Variants in RCCD1 observed in about 807,000 individuals in gnomAD.
RCCD1 encodes the protein RCC1 domain containing 1.
RCCD1 carries 40 observed loss-of-function variants against 37.6 expected under a neutral mutation model. That is an observed-to-expected ratio of 1.06 (90% CI 0.83 to 1.39). The LOEUF is 1.39. Ranked by LOEUF, RCCD1 falls within the 40% of genes most tolerant of loss-of-function variation. The pLI is 0.00. For missense variants in RCCD1, 577 were observed against 517.3 expected, an observed-to-expected ratio of 1.12 and a Z score of -1.12; for synonymous variants, 263 against 230.0, an observed-to-expected ratio of 1.14 and a Z score of -1.30.
chr15:90,958,386 T>C (rs965677987), intron 4 of RCCD1, among the ~76,000 whole-genome samples: 3 of 152,036 alleles, frequency 2.0e-5, no homozygotes, highest in Non-Finnish European at 2.9e-5. Context: ...CCCAGCACTT[T>C]GGGAGGCCGA....
chr15:90,961,246 G>A (rs1446473743), intron 7 of RCCD1, 192 bp downstream of exon 7: 2 of 613,580 alleles, frequency 3.3e-6, no homozygotes, highest in African/African-American at 3.7e-5. Context: ...AGACAGGGGA[G>A]ACATGGAGAG....
Position 90,956,786 on chromosome 15 carries a change from G to T in RCCD1, c.52G>T (p.Gly18Trp). The T allele has an allele frequency of 7.5e-7, 1 of 1,330,320 alleles. No homozygotes were observed. The highest frequency in any genetic ancestry group is 9.6e-7 in the Non-Finnish European group (1 of 1,039,806). 82.4% of individuals were successfully genotyped at this position (1,330,320 alleles called of 1,614,324 possible). The change falls in exon 2 of 8, where the codon GGG (glycine) becomes TGG (tryptophan). Residue 18 changes from glycine (G) to tryptophan (W), a missense_variant. By Grantham distance (184) the Gly-to-Trp change is radical. Coordinates refer to ENST00000394258, the MANE Select transcript of RCCD1 (RefSeq NM_001017919.2). ...AWFGFGFCGF[G>W]QELGSGRGRQ... ...GTTCGGCTTCGGTTTCTGCGGCTTC[G>T]GGCAGGAGCTGGGCTCCGGACGCGG...
At chr15:90,957,039 C>T (rs1180320053) in intron 2 of RCCD1, 74 bp from the exon 3 acceptor site, 1 of 1,295,966 alleles carries the variant, frequency 7.7e-7, no homozygotes, top group Non-Finnish European at 9.8e-7. Flanking sequence ...AATTCGACCC[C>T]TTCCCAGGAA....
rs750334665 is a variant in RCCD1 at position 90,957,348 on chromosome 15, A to G, written c.402A>G (p.Leu134=). The G allele has an allele frequency of 5.2e-6, 8 of 1,546,130 alleles. No homozygotes were observed. The highest frequency in any genetic ancestry group is 7.0e-6 in the Non-Finnish European group (8 of 1,145,652). The change falls in exon 3 of 8, where the codon CTA becomes CTG. Residue 134 remains leucine (L), a synonymous_variant. Coordinates refer to ENST00000394258, the MANE Select transcript of RCCD1 (RefSeq NM_001017919.2). ...CCGGTGAGGCCCAGGCTGGGAGGCT[A>G]CCCCTGCTGCCCTGCGCCCGTGCCT... ...DPAGEAQAGR[L]PLLPCARAYV...
At chr15:90,960,941 G>C in intron 6 of RCCD1, 84 bp from the exon 7 acceptor site, 1 of 1,247,690 alleles carries the variant, frequency 8.0e-7, no homozygotes, top group Non-Finnish European at 1.2e-6. Flanking sequence ...TAATATGCTA[G>C]CTGTGGGCTG....
At chr15:90,958,759 G>A (rs1032400218) in intron 4 of RCCD1, among the ~76,000 whole-genome samples, 38 of 151,146 alleles carry the variant, frequency 2.5e-4, no homozygotes, top group African/African-American at 9.2e-4. Flanking sequence ...GCAAAACCTC[G>A]TCTTTGTACA....
rs1351223888 is a variant in RCCD1, at chr15:90,957,189, G to A, written c.243G>A (p.Gly81=). The A allele has an allele frequency of 1.0e-5, 14 of 1,390,676 alleles. No homozygotes were observed. The highest frequency in any genetic ancestry group is 2.4e-4 in the Middle Eastern group (1 of 4,098). The allele number at this position is 1,390,676 out of a possible 1,614,324, so 86.1% of individuals were successfully genotyped here. A position where few individuals can be genotyped will look rare whatever the true frequency, so the allele number is the denominator to read the frequency against. ...GRCKDAWASE[G]LLAVLRAGPG... ...GCAAGGACGCGTGGGCCTCGGAGGG[G>A]CTCCTCGCGGTGCTGCGCGCCGGGC... Residue 81 remains glycine (G), a synonymous_variant, in exon 3 of 8, where the codon GGG becomes GGA. Coordinates refer to ENST00000394258, the MANE Select transcript of RCCD1 (RefSeq NM_001017919.2).
At chr15:90,955,851 A>T (rs16945091) in intron 1 of RCCD1, 50,315 of 151,516 alleles carry the variant, frequency 0.33, 9,162 homozygotes, top group East Asian at 0.56. Flanking sequence ...GCGCTCAGTA[A>T]ATGCTCGCTG....
Position 90,957,223 on chromosome 15 carries a change from G to C in RCCD1, c.277G>C (p.Glu93Gln), listed in dbSNP as rs761384717. ...LAVLRAGPGP[E>Q]ALLQVWAAES... ...GGTGCTGCGCGCCGGGCCGGGGCCG[G>C]AGGCGTTACTGCAGGTCTGGGCGGC... The change falls in exon 3 of 8, where the codon GAG becomes CAG. Residue 93 changes from glutamate (E) to glutamine (Q), a missense_variant. By Grantham distance (29) the Glu-to-Gln change is conservative. Coordinates refer to ENST00000394258, the MANE Select transcript of RCCD1 (RefSeq NM_001017919.2). 278 of 1,423,550 alleles carry C rather than the reference G, an allele frequency of 2.0e-4. No individual in the cohort carries two copies. The highest frequency in any genetic ancestry group is 2.7e-4 in the Admixed American group (9 of 33,416). 88.2% of individuals were successfully genotyped at this position (1,423,550 alleles called of 1,614,324 possible).
chr15:90,955,278 G>C (rs1194832184), intron 1 of RCCD1: 1 of 152,238 alleles, frequency 6.6e-6, no homozygotes. Flanking sequence ...GCCCTTGCTG[G>C]TGATTGGCCG....
rs1195151930 is a variant in RCCD1 at position 90,961,620 on chromosome 15, A to T, written c.982A>T (p.Lys328Ter). The change falls in exon 8 of 8, where the codon AAA becomes TAA. Residue 328 changes from lysine to a stop codon, truncating the protein, a stop_gained and splice_region_variant. Coordinates refer to ENST00000394258, the MANE Select transcript of RCCD1 (RefSeq NM_001017919.2). LOFTEE classifies it high-confidence loss of function. ...TGELYTWGWG[K>*]YGQLGHEDTT... Reference sequence around the variant, plus strand: ...CAAAGGGGCTGATTTCACTTTAGGTAAATATGGACAGCTGGGCCACGAGGA... The same window carrying T: ...CAAAGGGGCTGATTTCACTTTAGGTTAATATGGACAGCTGGGCCACGAGGA... 6.2e-7 allele frequency: 1 copy of T among 1,611,986 alleles called. No homozygotes were observed. Among genetic ancestry groups the T allele is most frequent in the South Asian group, 1.1e-5 (1 of 90,888 alleles).
At chr15:90,955,457 G>A (rs1317614254) in intron 1 of RCCD1, 4 of 152,400 alleles carry the variant, frequency 2.6e-5, no homozygotes, top group Non-Finnish European at 4.4e-5. Context: ...ATCAAGGTCA[G>A]AGGCCCCCTT....
In RCCD1 at chr15:90,957,258, G is replaced by C; in HGVS notation, c.312G>C (p.Ala104=). ...ALLQVWAAES[A]LRGEPLWAQN... ...TGCAGGTCTGGGCGGCCGAATCGGC[G>C]CTGCGTGGGGAGCCATTGTGGGCCC... Residue 104 remains alanine (A), a synonymous_variant, in exon 3 of 8, where the codon GCG becomes GCC. Transcript: ENST00000394258. The C allele has an allele frequency of 2.7e-6, 4 of 1,486,410 alleles. No homozygotes were observed. The highest frequency in any genetic ancestry group is 3.6e-6 in the Non-Finnish European group (4 of 1,114,284). The allele number at this position is 1,486,410 out of a possible 1,614,324, so 92.1% of individuals were successfully genotyped here.
At chr15:90,955,140 C>G (rs962233504) in intron 1 of RCCD1, 192 bp downstream of exon 1, 54 of 152,246 alleles carry the variant, frequency 3.5e-4, no homozygotes, top group Admixed American at 3.5e-3. Context: ...GGTCCAACGC[C>G]CCTCGGAGGT....
Position 90,956,803 on chromosome 15 carries a change from C to T in RCCD1, c.69C>T (p.Ser23=), listed in dbSNP as rs772281326. The T allele has an allele frequency of 1.5e-6, 2 of 1,311,130 alleles. No individual in the cohort carries two copies. Among genetic ancestry groups the T allele is most frequent in the Non-Finnish European group, 1.9e-6 (2 of 1,030,164 alleles). 81.2% of individuals were successfully genotyped at this position (1,311,130 alleles called of 1,614,324 possible). ...GFCGFGQELG[S]GRGRQVHSPS... is the part of the protein sequence containing the mutation. ...GCGGCTTCGGGCAGGAGCTGGGCTC[C>T]GGACGCGGGCGCCAGGTGCACAGCC... The change falls in exon 2 of 8, where the codon TCC becomes TCT. Residue 23 remains serine (S), a synonymous_variant. Transcript: ENST00000394258.
At position 90,960,419 on chromosome 15, in the gene RCCD1, C is replaced by A; in HGVS notation, c.870C>A (p.Phe290Leu). ...APAPFIAVQP[F>L]PALLDLPMGS... Reference sequence around the variant, plus strand: ...CCCCCTTCATAGCTGTCCAGCCCTTCCCGGCATTACTGGATCTCCCCATGG... The same window carrying A: ...CCCCCTTCATAGCTGTCCAGCCCTTACCGGCATTACTGGATCTCCCCATGG... The change falls in exon 6 of 8, where the codon TTC becomes TTA. Residue 290 changes from phenylalanine to leucine, a missense_variant. Physicochemically the swap from Phe to Leu is conservative, Grantham distance 22. Coordinates refer to ENST00000394258, the MANE Select transcript of RCCD1 (RefSeq NM_001017919.2). 6.2e-7 allele frequency: 1 copy of A among 1,613,714 alleles called. No individual in the cohort carries two copies. Among genetic ancestry groups the A allele is most frequent in the Non-Finnish European group, 8.5e-7 (1 of 1,180,008 alleles).
intron 4 of RCCD1, 99 bp from the exon 5 acceptor site, chr15:90,959,801 G>C: frequency 1.1e-6 from 1 of 932,988 alleles, no homozygotes; most frequent in Admixed American, 2.2e-5. Flanking sequence ...GGCAGGGCAG[G>C]CTTTAGTTGT....
intron 5 of RCCD1, 129 bp from the exon 6 acceptor site, chr15:90,960,199 G>T (rs1275055831): frequency 2.9e-6 from 3 of 1,037,944 alleles, no homozygotes; most frequent in Non-Finnish European, 4.2e-6. Context: ...CAGAATGTAG[G>T]GGTTGGGAGC....
chr15:90,957,318 T>G lies in RCCD1; in HGVS notation c.372T>G (p.Asp124Glu). Residue 124 changes from aspartate (D) to glutamate (E), a missense_variant, in exon 3 of 8, where the codon GAT becomes GAG. Physicochemically the swap from Asp to Glu is conservative, Grantham distance 45 (BLOSUM62 2). Transcript: ENST00000394258. ...TGCCCGAGGCCGAAGGGGAAGACGA[T>G]CCGGCCGGTGAGGCCCAGGCTGGGA... ...NVVPEAEGED[D>E]PAGEAQAGRL... 1 of 1,540,944 alleles carries G rather than the reference T, an allele frequency of 6.5e-7. No homozygotes were observed. The highest frequency in any genetic ancestry group is 1.4e-5 in the African/African-American group (1 of 72,550).
Sources: allele counts gnomAD v4.1 joint callset (sites outside exome capture counted in the v4.1 genomes callset), GRCh38; gene constraint gnomAD v4.1.1; transcripts MANE v1.5; gene names NCBI Gene and HGNC (gene_info 2026-07-23, HGNC 2026-07-21).